SNTB2: variants seen among roughly 807,000 people sequenced by gnomAD.
The protein encoded by SNTB2 is beta-2-syntrophin.
In SNTB2, 34 loss-of-function variants were observed where a neutral mutation model predicts 46.2. That is an observed-to-expected ratio of 0.74 (90% CI 0.56 to 0.98). SNTB2 has a LOEUF of 0.98. SNTB2 is among the 50% of genes least tolerant of loss of function. The probability of loss-of-function intolerance (pLI) is 0.00; values close to 1 mark genes in which losing one functional copy is unlikely to be tolerated. For missense variants in SNTB2, 603 were observed against 731.4 expected (o/e 0.82, Z 2.02); for synonymous variants, 290 against 312.6 (o/e 0.93, Z 0.76).
At position 69,304,180 on chromosome 16, in the gene SNTB2, T is replaced by C. The variant is rs1391982169; in HGVS notation, c.*3256T>C. 1 of 152,230 alleles carries C rather than the reference T, an allele frequency of 6.6e-6. No individual in the cohort carries two copies. The allele number at this position is 152,230 out of a possible 1,614,324, so 9.4% of individuals were successfully genotyped here. A position where few individuals can be genotyped will look rare whatever the true frequency, so the allele number is the denominator to read the frequency against. On this transcript the variant is annotated 3_prime_UTR_variant, in exon 7 of 7. Coordinates refer to ENST00000336278, the MANE Select transcript of SNTB2 (RefSeq NM_006750.4). ...CTTTTTCTGAAAAAGGTAAGTCCTT[T>C]CCTGAAGTCATCAAATGAAACATTA...
intron 2 of SNTB2, among the ~76,000 whole-genome samples, chr16:69,251,144 A>C (rs1337880838): frequency 6.6e-6 from 1 of 150,634 alleles, no homozygotes; most frequent in African/African-American, 2.4e-5. Flanking sequence ...ACGCCCGGCT[A>C]ATTTTTTGTA....
chr16:69,231,293 A>T (rs1964503586), intron 1 of SNTB2, among the ~76,000 whole-genome samples: 1 of 152,174 alleles, frequency 6.6e-6, no homozygotes, highest in East Asian at 1.9e-4. Context: ...ATTGACTTTT[A>T]AAAAAGATGT....
Position 69,235,919 on chromosome 16 carries a change from T to A in SNTB2, c.581-9683T>A. The A allele has an allele frequency of 4.3e-6, 5 of 1,173,876 alleles. No individual in the cohort carries two copies. In the South Asian group the frequency reaches 7.0e-5, roughly 16 times the overall value. 72.7% of individuals were successfully genotyped at this position (1,173,876 alleles called of 1,614,324 possible). The stretch of plus-strand genomic sequence containing the variant: ...TCCCATTAGATATATATAGAATTAC[T>A]GGTTTATCTGTGCTACATCTTAGTA... On this transcript the variant is annotated intron_variant, in intron 1 of 6. Transcript: ENST00000336278.
intron 5 of SNTB2, among the ~76,000 whole-genome samples, chr16:69,290,447 G>T (rs568844957): frequency 6.6e-6 from 1 of 152,040 alleles, no homozygotes; most frequent in Non-Finnish European, 1.5e-5. Flanking sequence ...TAGGAATTAC[G>T]TTAATAAAAA....
At chr16:69,210,065 G>C (rs1400547695) in intron 1 of SNTB2, among the ~76,000 whole-genome samples, 1 of 88,044 alleles carries the variant, frequency 1.1e-5, no homozygotes, top group Non-Finnish European at 2.3e-5. Flanking sequence ...TGCTTTTGTT[G>C]CCCAGGCTGG....
At chr16:69,189,696 C>T (rs964961628) in intron 1 of SNTB2, among the ~76,000 whole-genome samples, 11 of 152,206 alleles carry the variant, frequency 7.2e-5, no homozygotes, top group African/African-American at 2.7e-4. Context: ...AAGATCTCAC[C>T]ACTGCACTCC....
At chr16:69,252,192 G>C (rs754582398) in intron 2 of SNTB2, among the ~76,000 whole-genome samples, 28 of 152,076 alleles carry the variant, frequency 1.8e-4, no homozygotes, top group Non-Finnish European at 3.7e-4. Context: ...TTACTGCTTT[G>C]ATTTAGTTCC....
rs1363535333 is a variant in SNTB2 at position 69,307,959 on chromosome 16, C to T, written c.*7035C>T. 1 of 152,218 alleles carries T rather than the reference C, an allele frequency of 6.6e-6. No homozygotes were observed. Among genetic ancestry groups the T allele is most frequent in the Non-Finnish European group, 1.5e-5 (1 of 68,038 alleles). 9.4% of individuals were successfully genotyped at this position (152,218 alleles called of 1,614,324 possible). A position where few individuals can be genotyped will look rare whatever the true frequency, so the allele number is the denominator to read the frequency against. ...ACAATAACAGTCCCTTTCTATCCAG[C>T]TTGCCTTCCATTTATCTCTAGGGTT... On this transcript the variant is annotated 3_prime_UTR_variant, in exon 7 of 7. Coordinates refer to ENST00000336278, the MANE Select transcript of SNTB2 (RefSeq NM_006750.4).
chr16:69,223,823 G>T (rs1964431384), intron 1 of SNTB2, among the ~76,000 whole-genome samples: 1 of 151,924 alleles, frequency 6.6e-6, no homozygotes, highest in Non-Finnish European at 1.5e-5. Context: ...GTAGAGACGG[G>T]GTTTCACTGT....
At chr16:69,234,392 AAC>A (rs1964537377) in intron 1 of SNTB2, among the ~76,000 whole-genome samples, 1 of 152,360 alleles carries the variant, frequency 6.6e-6, no homozygotes, top group African/African-American at 2.4e-5. Context: ...AATTATGGTA[AAC>A]ACACAATATG....
chr16:69,278,454 AG>A (rs199727011), intron 4 of SNTB2, among the ~76,000 whole-genome samples: 4 of 147,688 alleles, frequency 2.7e-5, no homozygotes, highest in African/African-American at 1.0e-4. Flanking sequence ...TTTTTTTTGT[AG>A]GGTTTTTTTT....
intron 1 of SNTB2, among the ~76,000 whole-genome samples, chr16:69,229,123 A>G (rs1964483353): frequency 6.6e-6 from 1 of 152,108 alleles, no homozygotes; most frequent in Admixed American, 6.5e-5. Context: ...TTGCTATTGA[A>G]TCTATTTCTG....
At chr16:69,291,535 A>AC (rs1372815656) in intron 5 of SNTB2, among the ~76,000 whole-genome samples, 12 of 151,030 alleles carry the variant, frequency 7.9e-5, no homozygotes, top group Admixed American at 1.3e-4. Context: ...ACACAGCAAG[A>AC]CCCCCCATCT....
chr16:69,198,896 G>GT (rs1206371769), intron 1 of SNTB2, among the ~76,000 whole-genome samples: 13,289 of 127,646 alleles, frequency 0.1, 793 homozygotes, highest in South Asian at 0.18. Context: ...ATATAATAAT[G>GT]TTTTTTTTTT....
intron 2 of SNTB2, among the ~76,000 whole-genome samples, chr16:69,249,820 CG>C (rs1964708223): frequency 1.3e-5 from 2 of 152,016 alleles, no homozygotes; most frequent in Admixed American, 1.3e-4. Context: ...AAAATTTGGC[CG>C]GGTGCAGTGG....
At chr16:69,192,884 A>G (rs1964068396) in intron 1 of SNTB2, among the ~76,000 whole-genome samples, 1 of 152,174 alleles carries the variant, frequency 6.6e-6, no homozygotes, top group South Asian at 2.1e-4. Context: ...TCTGACCCCC[A>G]AGACATTGCT....
At chr16:69,283,342 TG>T (rs1229814668) in intron 4 of SNTB2, among the ~76,000 whole-genome samples, 1 of 152,244 alleles carries the variant, frequency 6.6e-6, no homozygotes, top group Non-Finnish European at 1.5e-5. Flanking sequence ...TTATTTATTT[TG>T]GAATCATTTT....
At chr16:69,233,157 C>G (rs535885967) in intron 1 of SNTB2, among the ~76,000 whole-genome samples, 156 of 152,262 alleles carry the variant, frequency 1.0e-3, no homozygotes, top group African/African-American at 3.5e-3. Flanking sequence ...ACTTTTCCCC[C>G]CTCATGCCTA....
chr16:69,278,307 C>T (rs1350393752), intron 4 of SNTB2, among the ~76,000 whole-genome samples: 1 of 151,738 alleles, frequency 6.6e-6, no homozygotes, highest in Admixed American at 6.6e-5. Flanking sequence ...CAGAGTGAGA[C>T]CCTGTCTCAA....
Sources: allele counts gnomAD v4.1 joint callset (sites outside exome capture counted in the v4.1 genomes callset), GRCh38; gene constraint gnomAD v4.1.1; transcripts MANE v1.5; gene names NCBI Gene and HGNC (gene_info 2026-07-23, HGNC 2026-07-21).